The following RNF38 variants were observed in gnomAD, a reference collection of about 807,000 sequenced individuals.
The protein encoded by RNF38 is E3 ubiquitin-protein ligase RNF38.
RNF38 carries 15 observed loss-of-function variants against 67.2 expected under a neutral mutation model. The ratio of observed to expected loss-of-function variants is 0.22; its 90% CI spans 0.15 to 0.34. The LOEUF is 0.34. RNF38 is among the 10% of genes least tolerant of loss of function. RNF38 has a pLI of 1.00. For synonymous variants in RNF38, 220 were observed against 218.8 expected, an observed-to-expected ratio of 1.01 and a Z score of -0.05; for missense variants, 524 against 639.9, an observed-to-expected ratio of 0.82 and a Z score of 1.95.
intron 2 of RNF38, among the ~76,000 whole-genome samples, chr9:36,419,824 A>G (rs777714568): frequency 2.0e-5 from 3 of 152,164 alleles, no homozygotes; most frequent in Non-Finnish European, 4.4e-5. Context: ...CCTGTCACAA[A>G]CAAACAAACA....
intron 1 of RNF38, among the ~76,000 whole-genome samples, chr9:36,451,501 T>TG (rs1554698298): frequency 2.3e-5 from 3 of 132,608 alleles, no homozygotes; most frequent in South Asian, 2.6e-4. Context: ...GTTTTTTTTT[T>TG]TTTTTTTTTT....
chr9:36,344,584 C>G (rs944535199), intron 10 of RNF38, among the ~76,000 whole-genome samples: 3 of 152,196 alleles, frequency 2.0e-5, no homozygotes, highest in Admixed American at 6.5e-5. Flanking sequence ...AACACAGCAG[C>G]TATTAGCTAG....
rs143978046 is a variant in RNF38 at position 36,427,310 on chromosome 9, CT to C, written n.242-2628del. On this transcript the variant is annotated intron_variant and non_coding_transcript_variant, in intron 1 of 3. Coordinates refer to the RNF38 transcript ENST00000488058. ...TGAAGCCTTCCTGATTTCTCCCTCC[CT>C]TTCCTAGTCTACACTTCCATCAGTC... is the stretch of plus-strand genomic sequence containing the variant. 6.6e-3 allele frequency among the ~76,000 whole-genome samples: 1,011 copies of C among 152,290 alleles called. 9 individuals are homozygous for C. Among genetic ancestry groups the C allele is most frequent in the African/African-American group, 0.023 (970 of 41,564 alleles).
Position 36,363,377 on chromosome 9 carries a change from G to GT in RNF38, c.571-5436dup, listed in dbSNP as rs1171390785. ...GGAATTGCTGGATTACTGGGTAGGT[G>GT]TATGTTTGACATGATTAGAAACTGA... On this transcript the variant is annotated intron_variant, in intron 4 of 11. Transcript: ENST00000259605. Among the ~76,000 whole-genome samples the GT allele has an allele frequency of 7.9e-5, 8 of 100,910 alleles. 2 individuals are homozygous for GT. The highest frequency in any genetic ancestry group is 2.1e-4 in the African/African-American group (7 of 33,646). The allele number at this position is 100,910 out of a possible 152,430, so 66.2% of individuals were successfully genotyped here.
intron 6 of RNF38, among the ~76,000 whole-genome samples, chr9:36,353,914 G>A (rs1276358907): frequency 1.3e-5 from 2 of 152,126 alleles, no homozygotes; most frequent in Admixed American, 6.6e-5. Context: ...GGCATGCTCA[G>A]AGCCTACTTC....
At chr9:36,374,935 G>A (rs1057366720) in intron 3 of RNF38, among the ~76,000 whole-genome samples, 1 of 152,154 alleles carries the variant, frequency 6.6e-6, no homozygotes, top group African/African-American at 2.4e-5. Context: ...TTGGGGAGGA[G>A]GGGTTACAAA....
At position 36,337,438 on chromosome 9, in the gene RNF38, CAT is replaced by C. The variant is rs1260421938; in HGVS notation, c.*2312_*2313del. The C allele has an allele frequency of 1.3e-5, 2 of 152,812 alleles. No individual in the cohort carries two copies. The highest frequency in any genetic ancestry group is 2.4e-5 in the African/African-American group (1 of 41,536). The allele number at this position is 152,812 out of a possible 1,614,324, so 9.5% of individuals were successfully genotyped here. A position where few individuals can be genotyped will look rare whatever the true frequency, so the allele number is the denominator to read the frequency against. Reference sequence around the variant, plus strand: ...CAGAAAAAGGGACATTATAAGAATTCATAGAGGGAGAGAAGAAAAAGCTGCTA... The same window carrying C: ...CAGAAAAAGGGACATTATAAGAATTCAGAGGGAGAGAAGAAAAAGCTGCTA... On this transcript the variant is annotated 3_prime_UTR_variant, in exon 12 of 12. Coordinates refer to ENST00000259605, the MANE Select transcript of RNF38 (RefSeq NM_022781.5).
chr9:36,454,617 C>CT (rs1177942447), intron 1 of RNF38, among the ~76,000 whole-genome samples: 1 of 122,662 alleles, frequency 8.2e-6, no homozygotes, highest in African/African-American at 3.2e-5. Context: ...GAGTCTTACT[C>CT]TGTCGCCCCG....
At chr9:36,438,274 C>T (rs913463823) in intron 1 of RNF38, among the ~76,000 whole-genome samples, 35 of 152,016 alleles carry the variant, frequency 2.3e-4, no homozygotes, top group Admixed American at 2.1e-3. Flanking sequence ...CAAAGTAGTC[C>T]AAGATTCTCA....
chr9:36,460,903 A>AAGAAAG (rs1554699819), intron 1 of RNF38, among the ~76,000 whole-genome samples: 7 of 145,354 alleles, frequency 4.8e-5, no homozygotes, highest in Non-Finnish European at 7.5e-5. Flanking sequence ...AAAAAAAAAA[A>AAGAAAG]AAAGAAAGAA....
chr9:36,392,416 C>T (rs1193667107), intron 1 of RNF38, among the ~76,000 whole-genome samples: 1 of 152,146 alleles, frequency 6.6e-6, no homozygotes, highest in African/African-American at 2.4e-5. Context: ...TACTGACTGA[C>T]TCCTACAAGC....
chr9:36,480,713 A>C lies in RNF38; in HGVS notation n.241+6595T>G, dbSNP rs527919083. Among the ~76,000 whole-genome samples, 16 of 151,240 alleles carry C rather than the reference A, an allele frequency of 1.1e-4. 1 individual carries two copies. The East Asian group carries it at 3.1e-3, about 30-fold the overall frequency. On this transcript the variant is annotated intron_variant and non_coding_transcript_variant, in intron 1 of 3. Coordinates refer to the RNF38 transcript ENST00000488058. ...ATTACAGGCAAGTGCCACCACACCC[A>C]GCTAATTTTTGTATTTTTAGTAAAG...
At chr9:36,345,062 G>T (rs995479981) in intron 9 of RNF38, 109 bp from the exon 10 acceptor site, 5 of 1,194,450 alleles carry the variant, frequency 4.2e-6, no homozygotes, top group Non-Finnish European at 5.7e-6. Context: ...CTAGAGTATA[G>T]CGGCTGTTCA....
intron 1 of RNF38, among the ~76,000 whole-genome samples, chr9:36,425,190 AC>A (rs1838736881): frequency 6.6e-6 from 1 of 152,224 alleles, no homozygotes; most frequent in African/African-American, 2.4e-5. Context: ...TTTAAAAACT[AC>A]CTTCCAATAA....
chr9:36,435,599 G>A (rs968202702), intron 1 of RNF38, among the ~76,000 whole-genome samples: 2 of 151,530 alleles, frequency 1.3e-5, no homozygotes, highest in Admixed American at 6.6e-5. Flanking sequence ...GACACTGAAC[G>A]TGCCTTGGCC....
chr9:36,453,270 C>T (rs745921447), intron 1 of RNF38, among the ~76,000 whole-genome samples: 2 of 152,004 alleles, frequency 1.3e-5, no homozygotes, highest in Non-Finnish European at 2.9e-5. Context: ...CTGGAGTGCA[C>T]TGGCACAAAC....
intron 2 of RNF38, among the ~76,000 whole-genome samples, chr9:36,415,641 G>T (rs184101397): frequency 6.6e-6 from 1 of 152,122 alleles, no homozygotes; most frequent in Non-Finnish European, 1.5e-5. Context: ...TGGTACTGGG[G>T]AGTGTCTGCA....
Position 36,343,229 on chromosome 9 carries a change from A to C in RNF38, c.1386-805T>G, listed in dbSNP as rs56807187. 2.4e-3 allele frequency among the ~76,000 whole-genome samples: 362 copies of C among 152,346 alleles called. 1 individual carries two copies. The highest frequency in any genetic ancestry group is 8.1e-3 in the African/African-American group (337 of 41,576). On this transcript the variant is annotated intron_variant, in intron 10 of 11. Transcript: ENST00000259605. ...TGAAATAAACCAAAATCAAAATTTAAACATTTTGTGCTTCAAAGGACATCA... is the reference window on the plus strand; with the variant it reads ...TGAAATAAACCAAAATCAAAATTTACACATTTTGTGCTTCAAAGGACATCA...
chr9:36,445,783 G>A (rs1839287622), intron 1 of RNF38, among the ~76,000 whole-genome samples: 1 of 152,200 alleles, frequency 6.6e-6, no homozygotes, highest in Admixed American at 6.5e-5. Flanking sequence ...ATCAAGGAGT[G>A]TCACAAGACA....
Sources: gnomAD v4.1 joint callset for allele counts (sites outside exome capture counted in the v4.1 genomes callset) on GRCh38, gnomAD v4.1.1 for gene constraint, MANE v1.5 for transcripts, NCBI Gene and HGNC (gene_info 2026-07-23, HGNC 2026-07-21) for gene names.